The following FXR2 variants were observed in gnomAD, a reference collection of about 807,000 sequenced individuals.
The protein encoded by FXR2 is RNA-binding protein FXR2.
FXR2 carries 9 observed loss-of-function variants against 87.3 expected under a neutral mutation model. The ratio of observed to expected loss-of-function variants is 0.10; its 90% CI spans 0.06 to 0.18. The LOEUF is 0.18. FXR2 is among the 10% of genes least tolerant of loss of function. FXR2 has a pLI of 1.00. For synonymous variants in FXR2, 331 were observed against 328.3 expected (o/e 1.01, Z -0.09); for missense variants, 661 against 893.6 (o/e 0.74, Z 3.32).
rs1179861892 is a variant in FXR2 at position 7,591,919 on chromosome 17, A to G, written c.1933T>C (p.Ser645Pro). The G allele has an allele frequency of 7.6e-6, 12 of 1,576,510 alleles. No homozygotes were observed. The highest frequency in any genetic ancestry group is 1.0e-5 in the Non-Finnish European group (12 of 1,146,620). Residue 645 changes from serine to proline, a missense_variant, in exon 17 of 17, where the codon TCT becomes CCT. Physicochemically the swap from Ser to Pro is moderately conservative, Grantham distance 74. Transcript: ENST00000250113. The surrounding 1 kb of genome is among the most constrained non-coding windows in gnomAD (Gnocchi z 4.0). ...GGGCCCTTAGGAAGCTTGCTGACAG[A>G]GTCACCCTGAGGGGAAAGTGGGAAA... is the stretch of plus-strand genomic sequence containing the variant. ...EDSLSGQKGD[S>P]VSKLPKGPSE...
chr17:7,610,065 CAT>C (rs199914980), intron 1 of FXR2, among the ~76,000 whole-genome samples: 1,266 of 115,386 alleles, frequency 0.011, 28 homozygotes, highest in African/African-American at 0.039. Context: ...CACACACACA[CAT>C]ATATATAAAT....
chr17:7,607,520 C>T (rs138473694), intron 1 of FXR2, among the ~76,000 whole-genome samples: 10 of 152,078 alleles, frequency 6.6e-5, no homozygotes, highest in Admixed American at 5.2e-4. Flanking sequence ...CTCCACCCCC[C>T]GGGTTCAAGC....
At position 7,593,015 on chromosome 17, in the gene FXR2, A is replaced by G; in HGVS notation, c.1497T>C (p.Thr499=). 6.3e-7 allele frequency: 1 copy of G among 1,575,604 alleles called. No homozygotes were observed. Among genetic ancestry groups the G allele is most frequent in the Non-Finnish European group, 8.6e-7 (1 of 1,163,392 alleles). Residue 499 remains threonine (T), a synonymous_variant, in exon 13 of 17, where the codon ACT becomes ACC. Coordinates refer to ENST00000250113, the MANE Select transcript of FXR2 (RefSeq NM_004860.4). The surrounding 1 kb of genome is among the most constrained non-coding windows in gnomAD (Gnocchi z 6.1). The stretch of plus-strand genomic sequence containing the variant: ...TAATAGATGAAGAATTGTATCTCGA[A>G]GTGGGCCGGGGGGCAGGTGGGGGTC... ...GRGPPPAPRP[T]SRYNSSSISS...
rs1296501981 is a variant in FXR2 at position 7,598,742 on chromosome 17, G to C, written c.660+2667C>G. 7.2e-5 allele frequency among the ~76,000 whole-genome samples: 11 copies of C among 152,082 alleles called. No individual in the cohort carries two copies. In the East Asian group the frequency reaches 2.1e-3, roughly 30 times the overall value. On this transcript the variant is annotated intron_variant, in intron 7 of 16. Transcript: ENST00000250113. ...ACAAAAATTAGGCCGGGTGCAATGG[G>C]TCATGTCTATAATCCCAGCACTTTG...
intron 6 of FXR2, among the ~76,000 whole-genome samples, chr17:7,601,851 C>A (rs1426577055): frequency 6.6e-6 from 1 of 151,728 alleles, no homozygotes; most frequent in Admixed American, 6.6e-5. Context: ...CGCTTGAACC[C>A]GGGAGTCGGA....
At chr17:7,598,190 C>A (rs1470106506) in intron 7 of FXR2, among the ~76,000 whole-genome samples, 2 of 152,158 alleles carry the variant, frequency 1.3e-5, no homozygotes, top group African/African-American at 4.8e-5. Context: ...GTGGCTCTCG[C>A]CTGTAATCCC....
chr17:7,608,601 G>C (rs1172356591), intron 1 of FXR2, among the ~76,000 whole-genome samples: 1 of 147,580 alleles, frequency 6.8e-6, no homozygotes, highest in African/African-American at 2.4e-5. Flanking sequence ...CTGGACAACA[G>C]GGCAAACTCT....
chr17:7,610,007 T>C (rs1285292548), intron 1 of FXR2, among the ~76,000 whole-genome samples: 2 of 76,964 alleles, frequency 2.6e-5, no homozygotes, highest in African/African-American at 9.6e-5. Context: ...TATGTATACA[T>C]ATATATATAC....
chr17:7,603,744 C>G lies in FXR2; in HGVS notation c.449+13G>C. ...TAAAGAGGGCCCTCATTCCCACCAT[C>G]CTTAACACTCACGCTTCTCTCAGAT... On this transcript the variant is annotated intron_variant, in intron 5 of 16. Transcript: ENST00000250113. 1 of 1,613,468 alleles carries G rather than the reference C, an allele frequency of 6.2e-7. No homozygotes were observed. Among genetic ancestry groups the G allele is most frequent in the Non-Finnish European group, 8.5e-7 (1 of 1,179,528 alleles).
intron 1 of FXR2, among the ~76,000 whole-genome samples, chr17:7,608,367 A>G (rs1370926519): frequency 6.6e-6 from 1 of 151,236 alleles, no homozygotes; most frequent in East Asian, 1.9e-4. Context: ...CGAGGCTGGC[A>G]GATCAGCTGA....
At position 7,593,781 on chromosome 17, in the gene FXR2, C is replaced by T; in HGVS notation, c.1107+137G>A. The stretch of plus-strand genomic sequence containing the variant: ...ACAAGGAAAATTCTGGGACCCAACC[C>T]TATAGCCCCAAATTTCCACAGATGT... On this transcript the variant is annotated intron_variant, in intron 11 of 16. Transcript: ENST00000250113. This position sits in a 1 kb window ranked among gnomAD's most constrained non-coding sequence, Gnocchi z 6.1. 2.5e-6 allele frequency: 2 copies of T among 807,194 alleles called. No homozygotes were observed. The highest frequency in any genetic ancestry group is 4.1e-6 in the Non-Finnish European group (2 of 491,054). The allele number at this position is 807,194 out of a possible 1,614,324, so 50.0% of individuals were successfully genotyped here. A position where few individuals can be genotyped will look rare whatever the true frequency, so the allele number is the denominator to read the frequency against.
intron 1 of FXR2, among the ~76,000 whole-genome samples, chr17:7,606,969 G>T (rs1387231863): frequency 1.3e-5 from 2 of 152,102 alleles, no homozygotes; most frequent in East Asian, 3.8e-4. Context: ...TTTGAAAAAG[G>T]TCTAGCTTAT....
At chr17:7,603,663 GA>G in intron 5 of FXR2, 93 bp downstream of exon 5, 1 of 1,273,770 alleles carries the variant, frequency 7.9e-7, no homozygotes, top group Non-Finnish European at 1.1e-6. Flanking sequence ...GAACAACAGA[GA>G]AAACTGCAAA....
intron 1 of FXR2, among the ~76,000 whole-genome samples, chr17:7,606,503 A>C (rs2071804222): frequency 6.6e-6 from 1 of 152,204 alleles, no homozygotes. Context: ...AAGGCTAAGA[A>C]TATCCCATGA....
At position 7,593,159 on chromosome 17, in the gene FXR2, T is replaced by TGTA. The variant is rs1567747901; in HGVS notation, c.1350_1352dup (p.Thr451dup). ...TCTTCTCTGACTCAGTCTCTGAAGC[T>TGTA]GTAGACACATCTGAGCTGGGGCCTG... On this transcript the variant is annotated inframe_insertion, in exon 13 of 17. Transcript: ENST00000250113. The surrounding 1 kb of genome is among the most constrained non-coding windows in gnomAD (Gnocchi z 6.1). The TGTA allele has an allele frequency of 6.5e-7, 1 of 1,534,770 alleles. No homozygotes were observed. Among genetic ancestry groups the TGTA allele is most frequent in the Non-Finnish European group, 8.7e-7 (1 of 1,143,260 alleles).
intron 1 of FXR2, among the ~76,000 whole-genome samples, chr17:7,609,534 GT>G (rs1259965854): frequency 1.3e-5 from 2 of 152,102 alleles, no homozygotes; most frequent in African/African-American, 4.8e-5. Context: ...CTCCAGAAAT[GT>G]TTTTTCTACT....
intron 7 of FXR2, among the ~76,000 whole-genome samples, chr17:7,599,798 A>C (rs1029878834): frequency 6.6e-6 from 1 of 152,060 alleles, no homozygotes; most frequent in Admixed American, 6.6e-5. Context: ...GAATCGCTTC[A>C]ATCTGGGAGG....
chr17:7,602,731 A>G, intron 6 of FXR2, 178 bp downstream of exon 6: 1 of 528,450 alleles, frequency 1.9e-6, no homozygotes, highest in Middle Eastern at 5.0e-4. Flanking sequence ...CTTCGTCTCA[A>G]AAAAAAGAAA....
At chr17:7,596,075 A>G (rs1481755729) in intron 7 of FXR2, 81 bp from the exon 8 acceptor site, 3 of 1,037,870 alleles carry the variant, frequency 2.9e-6, no homozygotes, top group Admixed American at 2.0e-5. Flanking sequence ...TAACTTAAAT[A>G]AGGAAAACTG....
Sources: allele counts gnomAD v4.1 joint callset (sites outside exome capture counted in the v4.1 genomes callset), GRCh38; gene constraint gnomAD v4.1.1; non-coding constraint Gnocchi (gnomAD v3.1); transcripts MANE v1.5; gene names NCBI Gene and HGNC (gene_info 2026-07-23, HGNC 2026-07-21).